The following GRIN2B variants were observed in gnomAD, a reference collection of about 807,000 sequenced individuals.
The protein encoded by GRIN2B is glutamate receptor ionotropic, NMDA 2B.
GRIN2B carries 5 observed loss-of-function variants against 114.5 expected under a neutral mutation model. That is an observed-to-expected ratio of 0.04 (90% CI 0.02 to 0.09). The LOEUF (loss-of-function observed/expected upper bound fraction) is 0.09. Ranked by LOEUF, GRIN2B falls within the 10% of genes least tolerant of loss-of-function variation. The pLI, the probability that GRIN2B is intolerant of heterozygous loss-of-function variation, is 1.00. For synonymous variants in GRIN2B, 787 were observed against 745.1 expected, an observed-to-expected ratio of 1.06 and a Z score of -0.92; for missense variants, 1,108 against 1,943.5, an observed-to-expected ratio of 0.57 and a Z score of 8.08.
At chr12:13,739,760 G>A (rs1346870571) in intron 4 of GRIN2B, among the ~76,000 whole-genome samples, 3 of 152,318 alleles carry the variant, frequency 2.0e-5, no homozygotes, top group Middle Eastern at 3.4e-3. Flanking sequence ...CTGGGCTGGG[G>A]AAGGAAGCGC....
chr12:13,621,546 A>G (rs1949513981), intron 5 of GRIN2B, among the ~76,000 whole-genome samples: 1 of 149,176 alleles, frequency 6.7e-6, no homozygotes, highest in Admixed American at 6.8e-5. Flanking sequence ...CCATTCTAAC[A>G]TTTAAAAAGA....
At chr12:13,620,895 G>GAA (rs891909068) in intron 5 of GRIN2B, among the ~76,000 whole-genome samples, 1 of 140,052 alleles carries the variant, frequency 7.1e-6, no homozygotes, top group Non-Finnish European at 1.5e-5. Context: ...TCAAGGAAAT[G>GAA]AAAAAAAAAT....
At chr12:13,818,781 T>C (rs1402417161) in intron 3 of GRIN2B, among the ~76,000 whole-genome samples, 1 of 152,200 alleles carries the variant, frequency 6.6e-6, no homozygotes, top group African/African-American at 2.4e-5. Flanking sequence ...ACCCTTTCTT[T>C]GGAGCCTTCA....
chr12:13,825,494 T>TATA (rs71448874), intron 3 of GRIN2B, among the ~76,000 whole-genome samples: 3,110 of 44,756 alleles, frequency 0.069, 140 homozygotes, highest in African/African-American at 0.19. Flanking sequence ...TATATATATA[T>TATA]TTTGTGTGTG....
intron 2 of GRIN2B, among the ~76,000 whole-genome samples, chr12:13,936,443 G>C (rs1349589174): frequency 6.6e-6 from 1 of 152,050 alleles, no homozygotes; most frequent in Non-Finnish European, 1.5e-5. Context: ...AATCCTCAAG[G>C]GAACAGTTTA....
chr12:13,760,196 A>T lies in GRIN2B; in HGVS notation c.412-6281T>A, dbSNP rs575116128. ...TGATTACTTATTTGACATGTTTATT[A>T]TGAACTCACCTGCCTCTTCCCAATT... On this transcript the variant is annotated intron_variant, in intron 3 of 13. Transcript: ENST00000609686. 2.0e-5 allele frequency among the ~76,000 whole-genome samples: 3 copies of T among 152,278 alleles called. No homozygotes were observed. The South Asian group carries it at 6.2e-4, about 32-fold the overall frequency.
At chr12:13,872,945 C>A (rs2136755635) in intron 2 of GRIN2B, among the ~76,000 whole-genome samples, 1 of 152,066 alleles carries the variant, frequency 6.6e-6, no homozygotes, top group Non-Finnish European at 1.5e-5. Flanking sequence ...CATTTCAAGC[C>A]AATTCTTATC....
chr12:13,546,160 A>T lies in GRIN2B; in HGVS notation c.*16623T>A, dbSNP rs1948338799. 1 of 152,206 alleles carries T rather than the reference A, an allele frequency of 6.6e-6. No homozygotes were observed. Among genetic ancestry groups the T allele is most frequent in the Admixed American group, 6.5e-5 (1 of 15,284 alleles). The allele number at this position is 152,206 out of a possible 1,614,324, so 9.4% of individuals were successfully genotyped here. On this transcript the variant is annotated 3_prime_UTR_variant, in exon 14 of 14. Transcript: ENST00000609686. ...TCAGCTAACTCCATTCCCCTGATAT[A>T]TTCAGTTCTCAGTGCCCCTTGGCTT...
At position 13,541,093 on chromosome 12, in the gene GRIN2B, T is replaced by C. The variant is rs1169520907; in HGVS notation, c.*21690A>G. On this transcript the variant is annotated 3_prime_UTR_variant, in exon 14 of 14. Transcript: ENST00000609686. ...TTGTGGCTAAGTGTAATTCTGATGC[T>C]GTTGGAGCACTGGCTCCTGTCACGT... 1 of 152,264 alleles carries C rather than the reference T, an allele frequency of 6.6e-6. No individual in the cohort carries two copies. The highest frequency in any genetic ancestry group is 2.4e-5 in the African/African-American group (1 of 41,458). The allele number at this position is 152,264 out of a possible 1,614,324, so 9.4% of individuals were successfully genotyped here.
At chr12:13,786,635 G>A (rs558140792) in intron 3 of GRIN2B, among the ~76,000 whole-genome samples, 7 of 151,760 alleles carry the variant, frequency 4.6e-5, no homozygotes, top group Admixed American at 2.0e-4. Context: ...GGTGAACCAG[G>A]AATATACCAG....
intron 4 of GRIN2B, among the ~76,000 whole-genome samples, chr12:13,736,416 G>A (rs1477660472): frequency 2.0e-5 from 3 of 152,148 alleles, no homozygotes; most frequent in South Asian, 2.1e-4. Flanking sequence ...CCCCTGTCAA[G>A]TGCAAGGAAC....
At chr12:13,948,293 C>G (rs1867402741) in intron 2 of GRIN2B, among the ~76,000 whole-genome samples, 1 of 152,076 alleles carries the variant, frequency 6.6e-6, no homozygotes, top group African/African-American at 2.4e-5. Flanking sequence ...CCAACCCTGC[C>G]CCATATGTTT....
At chr12:13,818,887 G>T (rs951388784) in intron 3 of GRIN2B, among the ~76,000 whole-genome samples, 3 of 152,116 alleles carry the variant, frequency 2.0e-5, no homozygotes, top group Non-Finnish European at 4.4e-5. Flanking sequence ...AGCAACCCTA[G>T]CCCTGCCCAT....
intron 3 of GRIN2B, among the ~76,000 whole-genome samples, chr12:13,850,445 G>C (rs1865541036): frequency 1.3e-5 from 2 of 152,166 alleles, no homozygotes; most frequent in Admixed American, 1.3e-4. Flanking sequence ...CTCTCAACCA[G>C]AGTCTAGAGT....
chr12:13,647,982 G>GATAT (rs1285118882), intron 5 of GRIN2B, among the ~76,000 whole-genome samples: 4 of 152,072 alleles, frequency 2.6e-5, no homozygotes, highest in African/African-American at 9.7e-5. Flanking sequence ...TATCTTAGGG[G>GATAT]CTGTCTGTTT....
At chr12:13,901,005 C>A (rs1352906700) in intron 2 of GRIN2B, among the ~76,000 whole-genome samples, 2 of 152,086 alleles carry the variant, frequency 1.3e-5, no homozygotes, top group Non-Finnish European at 2.9e-5. Flanking sequence ...GTCCAAGAAT[C>A]CTAGTACAAT....
chr12:13,699,835 C>T (rs983434243), intron 4 of GRIN2B, among the ~76,000 whole-genome samples: 2 of 151,606 alleles, frequency 1.3e-5, no homozygotes, highest in Admixed American at 6.6e-5. Flanking sequence ...GATCCGCCCA[C>T]CTCAGCCTCC....
chr12:13,829,216 T>C (rs2284423), intron 3 of GRIN2B, among the ~76,000 whole-genome samples: 19,133 of 152,216 alleles, frequency 0.13, 1,295 homozygotes, highest in South Asian at 0.19. Context: ...CCATTTTATT[T>C]TCTTAATAGA....
At chr12:13,626,633 T>G (rs1315951911) in intron 5 of GRIN2B, among the ~76,000 whole-genome samples, 1 of 152,168 alleles carries the variant, frequency 6.6e-6, no homozygotes, top group Non-Finnish European at 1.5e-5. Flanking sequence ...TTTGTCATAT[T>G]AGTAAGGAAC....
Sources: gnomAD v4.1 joint callset for allele counts (sites outside exome capture counted in the v4.1 genomes callset) on GRCh38, gnomAD v4.1.1 for gene constraint, MANE v1.5 for transcripts, NCBI Gene and HGNC (gene_info 2026-07-23, HGNC 2026-07-21) for gene names.